Variants in CNTNAP2 observed in about 807,000 individuals in gnomAD.
CNTNAP2 encodes the protein contactin associated protein 2, also known as contactin-associated protein-like 2.
CNTNAP2 carries 98 observed loss-of-function variants against 155.2 expected under a neutral mutation model. The ratio of observed to expected loss-of-function variants is 0.63; its 90% CI spans 0.54 to 0.75. CNTNAP2 has a LOEUF of 0.75. CNTNAP2 is among the 30% of genes least tolerant of loss of function. CNTNAP2 has a pLI of 0.00. For synonymous variants in CNTNAP2, 651 were observed against 631.2 expected (o/e 1.03, Z -0.47); for missense variants, 1,727 against 1,688.1 (o/e 1.02, Z -0.40).
intron 9 of CNTNAP2, among the ~76,000 whole-genome samples, chr7:147,316,163 GT>G (rs1795230590): frequency 6.6e-6 from 1 of 151,930 alleles, no homozygotes; most frequent in Admixed American, 6.6e-5. Flanking sequence ...TATGTTTATT[GT>G]TTTGAAAAAT....
At chr7:147,179,638 C>T (rs1802415672) in intron 8 of CNTNAP2, among the ~76,000 whole-genome samples, 2 of 151,948 alleles carry the variant, frequency 1.3e-5, no homozygotes, top group African/African-American at 2.4e-5. Context: ...TTATCAAAAT[C>T]GGTTTTATTT....
At chr7:146,784,649 T>C (rs1241469979) in intron 2 of CNTNAP2, among the ~76,000 whole-genome samples, 1 of 152,206 alleles carries the variant, frequency 6.6e-6, no homozygotes, top group East Asian at 1.9e-4. Context: ...ATTGCCAAAA[T>C]TCCTCACTCA....
intron 1 of CNTNAP2, among the ~76,000 whole-genome samples, chr7:146,282,737 G>T (rs1182033617): frequency 6.6e-6 from 1 of 152,164 alleles, no homozygotes; most frequent in Non-Finnish European, 1.5e-5. Flanking sequence ...AAAATTCTGT[G>T]TATGAGTTTT....
chr7:147,907,353 G>A (rs533763719), intron 14 of CNTNAP2, among the ~76,000 whole-genome samples: 32 of 152,312 alleles, frequency 2.1e-4, no homozygotes, highest in African/African-American at 2.4e-4. Flanking sequence ...ATCGCGCCCA[G>A]CCATGAATGT....
chr7:147,437,644 G>C (rs1797573238), intron 10 of CNTNAP2, among the ~76,000 whole-genome samples: 2 of 152,038 alleles, frequency 1.3e-5, no homozygotes, highest in African/African-American at 4.8e-5. Context: ...CTCCAATTTT[G>C]TTATCTTGCT....
At chr7:148,012,548 T>G (rs1000452843) in intron 15 of CNTNAP2, among the ~76,000 whole-genome samples, 1 of 152,110 alleles carries the variant, frequency 6.6e-6, no homozygotes, top group Non-Finnish European at 1.5e-5. Context: ...AGAGGGTAGA[T>G]CTCATGTTAA....
intron 13 of CNTNAP2, among the ~76,000 whole-genome samples, chr7:147,706,811 GTTCATTCTTTTTAA>G (rs1173025395): frequency 6.6e-6 from 1 of 152,090 alleles, no homozygotes; most frequent in African/African-American, 2.4e-5. Context: ...ACAAGGCTTT[GTTCATTCTTTTTAA>G]TTTTTTAAAA....
intron 3 of CNTNAP2, among the ~76,000 whole-genome samples, chr7:146,929,854 A>G (rs1286789955): frequency 6.6e-6 from 1 of 152,224 alleles, no homozygotes; most frequent in Non-Finnish European, 1.5e-5. Flanking sequence ...GGAAGATGAA[A>G]TAAATGAAAT....
At chr7:148,346,644 C>A (rs1450569724) in intron 21 of CNTNAP2, among the ~76,000 whole-genome samples, 1 of 151,620 alleles carries the variant, frequency 6.6e-6, no homozygotes, top group Non-Finnish European at 1.5e-5. Context: ...TGGTGGCAGG[C>A]ACCTATAATC....
chr7:147,091,442 C>T (rs1213064994), intron 4 of CNTNAP2, among the ~76,000 whole-genome samples: 1 of 151,958 alleles, frequency 6.6e-6, no homozygotes, highest in Non-Finnish European at 1.5e-5. Context: ...GAAACTCAAC[C>T]ATATACTTTT....
chr7:146,607,823 A>G (rs1799072969), intron 1 of CNTNAP2, among the ~76,000 whole-genome samples: 1 of 152,148 alleles, frequency 6.6e-6, no homozygotes, highest in Admixed American at 6.5e-5. Context: ...GGGATTTGTC[A>G]CAATTTTATC....
At chr7:146,947,557 G>GTATA (rs1325610298) in intron 3 of CNTNAP2, among the ~76,000 whole-genome samples, 1,086 of 50,388 alleles carry the variant, frequency 0.022, 11 homozygotes, top group East Asian at 0.041. Context: ...GTGTGTGTGT[G>GTATA]TATATATATA....
chr7:146,785,880 A>G (rs915008016), intron 2 of CNTNAP2, among the ~76,000 whole-genome samples: 1 of 152,166 alleles, frequency 6.6e-6, no homozygotes, highest in Admixed American at 6.5e-5. Flanking sequence ...ATGGCTTTCG[A>G]CTTGTGCTGG....
chr7:146,634,782 T>C (rs1006543892), intron 1 of CNTNAP2, among the ~76,000 whole-genome samples: 3 of 152,192 alleles, frequency 2.0e-5, no homozygotes, highest in African/African-American at 7.2e-5. Context: ...GTGGCACTTA[T>C]ATGTGTCAAG....
At chr7:146,142,894 T>C (rs904063941) in intron 1 of CNTNAP2, among the ~76,000 whole-genome samples, 1 of 152,194 alleles carries the variant, frequency 6.6e-6, no homozygotes, top group Middle Eastern at 3.2e-3. Flanking sequence ...TGTAAGAAAA[T>C]GACTTTTAAA....
At chr7:147,817,719 T>A (rs184156157) in intron 13 of CNTNAP2, among the ~76,000 whole-genome samples, 1 of 151,886 alleles carries the variant, frequency 6.6e-6, no homozygotes, top group Non-Finnish European at 1.5e-5. Flanking sequence ...CTGGCTAACA[T>A]GGTGAAACCC....
intron 3 of CNTNAP2, among the ~76,000 whole-genome samples, chr7:146,855,630 G>A (rs886275832): frequency 1.3e-5 from 2 of 151,656 alleles, no homozygotes; most frequent in East Asian, 1.9e-4. Flanking sequence ...ATGAGGAAAC[G>A]TATATATGGT....
chr7:147,966,711 G>A (rs117954779), intron 14 of CNTNAP2, among the ~76,000 whole-genome samples: 1 of 152,062 alleles, frequency 6.6e-6, no homozygotes, highest in Middle Eastern at 3.2e-3. Context: ...TATTCCGTCT[G>A]CCCACAACCA....
chr7:147,942,211 C>T (rs1800736737), intron 14 of CNTNAP2, among the ~76,000 whole-genome samples: 1 of 152,116 alleles, frequency 6.6e-6, no homozygotes, highest in Non-Finnish European at 1.5e-5. Context: ...TGCACTTGCC[C>T]CATACGGAAA....
Sources: allele counts gnomAD v4.1 joint callset (sites outside exome capture counted in the v4.1 genomes callset), GRCh38; gene constraint gnomAD v4.1.1; transcripts MANE v1.5; gene names NCBI Gene and HGNC (gene_info 2026-07-23, HGNC 2026-07-21).